The following ASTN2 variants were observed in gnomAD, a reference collection of about 807,000 sequenced individuals.
ASTN2 encodes astrotactin-2.
In ASTN2, 54 loss-of-function variants were observed where a neutral mutation model predicts 139.8. The ratio of observed to expected loss-of-function variants is 0.39; its 90% CI spans 0.31 to 0.48. ASTN2 has a LOEUF of 0.48. Ranked by LOEUF, ASTN2 falls within the 20% of genes least tolerant of loss-of-function variation. ASTN2 has a pLI of 0.95. For missense variants in ASTN2, 1,565 were observed against 1,725.1 expected (o/e 0.91, Z 1.64); for synonymous variants, 756 against 719.5 (o/e 1.05, Z -0.81).
At chr9:117,156,155 TTG>T (rs1321325539) in intron 3 of ASTN2, among the ~76,000 whole-genome samples, 1 of 152,072 alleles carries the variant, frequency 6.6e-6, no homozygotes, top group East Asian at 1.9e-4. Flanking sequence ...AACATGTGTA[TTG>T]CTATAGCTGC....
intron 16 of ASTN2, among the ~76,000 whole-genome samples, chr9:116,677,572 G>T (rs1837840): frequency 0.059 from 9,017 of 152,140 alleles, 873 homozygotes; most frequent in African/African-American, 0.21. Flanking sequence ...GCATGCTATT[G>T]GCCACCTGGA....
chr9:116,492,710 A>G (rs1205139365), intron 19 of ASTN2, among the ~76,000 whole-genome samples: 1 of 152,214 alleles, frequency 6.6e-6, no homozygotes, highest in Non-Finnish European at 1.5e-5. Flanking sequence ...GTCCCTGGGC[A>G]ATTACTACGC....
intron 19 of ASTN2, among the ~76,000 whole-genome samples, chr9:116,605,813 A>G (rs1338656630): frequency 6.6e-6 from 1 of 152,180 alleles, no homozygotes; most frequent in Non-Finnish European, 1.5e-5. Context: ...ATTCTCAACA[A>G]GAGCAAACTA....
intron 12 of ASTN2, among the ~76,000 whole-genome samples, chr9:116,808,087 C>G (rs1564278975): frequency 6.6e-6 from 1 of 152,130 alleles, no homozygotes; most frequent in Non-Finnish European, 1.5e-5. Context: ...GCACTCCAGC[C>G]CAGGCAACAG....
rs567403090 is a variant in ASTN2, at chr9:116,802,243, C to T, written c.2396+3389G>A. On this transcript the variant is annotated intron_variant, in intron 13 of 22. Transcript: ENST00000313400. ...CTGGGACAACAGGCAGCCGCCACCA[C>T]GCCCGGCTAATTTTTTGTATTTTTA... Among the ~76,000 whole-genome samples the T allele has an allele frequency of 1.6e-4, 24 of 152,100 alleles. 1 individual carries two copies. The highest frequency in any genetic ancestry group is 5.1e-4 in the African/African-American group (21 of 41,500).
At chr9:117,250,296 C>T (rs563704997) in intron 2 of ASTN2, among the ~76,000 whole-genome samples, 51 of 152,252 alleles carry the variant, frequency 3.3e-4, no homozygotes, top group African/African-American at 1.2e-3. Context: ...CCCATTGAGG[C>T]CCCTGCCCTC....
intron 5 of ASTN2, among the ~76,000 whole-genome samples, chr9:117,073,951 T>A (rs573408658): frequency 5.6e-4 from 86 of 152,258 alleles, no homozygotes; most frequent in African/African-American, 1.9e-3. Flanking sequence ...GTTAGCTCTG[T>A]GGTCTGGGGG....
At chr9:116,608,707 G>A (rs916757871) in intron 19 of ASTN2, among the ~76,000 whole-genome samples, 14 of 152,176 alleles carry the variant, frequency 9.2e-5, no homozygotes, top group African/African-American at 3.1e-4. Context: ...GGCAAGAATC[G>A]CAATGTCTGG....
At chr9:117,257,388 T>C (rs1387610795) in intron 2 of ASTN2, among the ~76,000 whole-genome samples, 1 of 152,180 alleles carries the variant, frequency 6.6e-6, no homozygotes, top group East Asian at 1.9e-4. Flanking sequence ...GAGTAGAAAC[T>C]GTGAACACAG....
chr9:116,554,170 A>G (rs978028808), intron 19 of ASTN2, among the ~76,000 whole-genome samples: 1 of 152,190 alleles, frequency 6.6e-6, no homozygotes, highest in Admixed American at 6.5e-5. Flanking sequence ...TGGTAGATAG[A>G]ATGCTGAATA....
At chr9:117,238,771 C>G in intron 2 of ASTN2, among the ~76,000 whole-genome samples, 1 of 152,204 alleles carries the variant, frequency 6.6e-6, no homozygotes, top group South Asian at 2.1e-4. Context: ...CTCCAGTGAC[C>G]GCTATAAAGA....
chr9:116,520,789 T>G (rs550452219), intron 19 of ASTN2, among the ~76,000 whole-genome samples: 39 of 152,156 alleles, frequency 2.6e-4, no homozygotes, highest in Non-Finnish European at 3.5e-4. Context: ...AACTGGTAAA[T>G]GAATTCAGCA....
At chr9:116,531,656 G>T (rs200922460) in intron 19 of ASTN2, among the ~76,000 whole-genome samples, 2 of 152,006 alleles carry the variant, frequency 1.3e-5, no homozygotes, top group African/African-American at 4.8e-5. Context: ...GAGAATGATG[G>T]TTTCCAGCTT....
chr9:117,365,851 A>C (rs973611081), intron 1 of ASTN2, among the ~76,000 whole-genome samples: 2 of 152,102 alleles, frequency 1.3e-5, no homozygotes, highest in Non-Finnish European at 2.9e-5. Context: ...AGGGGTTTGG[A>C]GGTATCTTAG....
At chr9:117,292,854 G>C (rs1426327674) in intron 1 of ASTN2, among the ~76,000 whole-genome samples, 4 of 152,032 alleles carry the variant, frequency 2.6e-5, no homozygotes, top group African/African-American at 9.7e-5. Flanking sequence ...AAGAGGAGAT[G>C]ATACTACCAA....
chr9:117,195,338 GAGA>G (rs1209256315), intron 3 of ASTN2, among the ~76,000 whole-genome samples: 1 of 152,182 alleles, frequency 6.6e-6, no homozygotes, highest in East Asian at 1.9e-4. Flanking sequence ...AAGGGCATAG[GAGA>G]AGAAGGTTAG....
chr9:116,655,873 TTTGTTGTTGTTGTTG>T (rs1554726447), intron 16 of ASTN2, among the ~76,000 whole-genome samples: 3 of 151,360 alleles, frequency 2.0e-5, no homozygotes, highest in Non-Finnish European at 4.4e-5. Context: ...TCTTGTGTTT[TTTGTTGTTGTTGTTG>T]TTGTTGTTTT....
chr9:116,692,077 T>C (rs1860597490), intron 16 of ASTN2, among the ~76,000 whole-genome samples: 1 of 152,236 alleles, frequency 6.6e-6, no homozygotes, highest in South Asian at 2.1e-4. Flanking sequence ...AGGTGCTTAG[T>C]AAAGATTTGT....
chr9:117,146,390 C>A (rs1418644235), intron 3 of ASTN2, among the ~76,000 whole-genome samples: 1 of 149,908 alleles, frequency 6.7e-6, no homozygotes, highest in South Asian at 2.1e-4. Flanking sequence ...TAATAAACCA[C>A]TGGGGCCTGA....
Sources: allele counts gnomAD v4.1 joint callset (sites outside exome capture counted in the v4.1 genomes callset), GRCh38; gene constraint gnomAD v4.1.1; transcripts MANE v1.5; gene names NCBI Gene and HGNC (gene_info 2026-07-23, HGNC 2026-07-21).